EPHA6: variants seen among roughly 807,000 people sequenced by gnomAD.
EPHA6 encodes the protein EPH receptor A6.
EPHA6 carries 50 observed loss-of-function variants against 112.0 expected under a neutral mutation model. That is an observed-to-expected ratio of 0.45 (90% CI 0.36 to 0.56). The LOEUF is 0.56. Ranked by LOEUF, EPHA6 falls within the 20% of genes least tolerant of loss-of-function variation. The pLI is 0.00. For synonymous variants in EPHA6, 529 were observed against 490.7 expected (o/e 1.08, Z -1.03); for missense variants, 1,280 against 1,417.4 (o/e 0.90, Z 1.56).
At chr3:97,039,211 G>A (rs2045225501) in intron 3 of EPHA6, among the ~76,000 whole-genome samples, 1 of 152,046 alleles carries the variant, frequency 6.6e-6, no homozygotes, top group East Asian at 1.9e-4. Flanking sequence ...TTGGCAAACT[G>A]TAAACATTTA....
In EPHA6 at chr3:97,475,246, G is replaced by A. The variant is rs572649335; in HGVS notation, c.1895-106G>A. On this transcript the variant is annotated intron_variant, in intron 7 of 17. Transcript: ENST00000389672. Reference sequence around the variant, plus strand: ...TACTGAAATAAAGGCCAAATATACTGAGCTTGGCATCCGTTATTGTATTTT... The same window carrying A: ...TACTGAAATAAAGGCCAAATATACTAAGCTTGGCATCCGTTATTGTATTTT... 61 of 794,494 alleles carry A rather than the reference G, an allele frequency of 7.7e-5. No individual in the cohort carries two copies. The East Asian group carries it at 1.6e-3, about 21-fold the overall frequency. The allele number at this position is 794,494 out of a possible 1,614,324, so 49.2% of individuals were successfully genotyped here.
Position 97,705,164 on chromosome 3 carries a change from C to G in EPHA6, c.2785-15097C>G, listed in dbSNP as rs566490625. Among the ~76,000 whole-genome samples, 9 of 152,246 alleles carry G rather than the reference C, an allele frequency of 5.9e-5. No homozygotes were observed. In the South Asian group the frequency reaches 1.9e-3, roughly 32 times the overall value. On this transcript the variant is annotated intron_variant, in intron 14 of 17. Coordinates refer to ENST00000389672, the MANE Select transcript of EPHA6 (RefSeq NM_001080448.3). ...TACTTCTCTAGCCTCATCTCTCCCC[C>G]TCCTTTATCTCACCTCTTTTCTCCA...
chr3:97,003,496 G>A (rs1190627981), intron 3 of EPHA6, among the ~76,000 whole-genome samples: 2 of 152,090 alleles, frequency 1.3e-5, no homozygotes, highest in Non-Finnish European at 2.9e-5. Context: ...TTGGGGAAAA[G>A]AGAATTCCCA....
chr3:96,914,752 A>G (rs1031002894), intron 2 of EPHA6, among the ~76,000 whole-genome samples: 15 of 152,104 alleles, frequency 9.9e-5, no homozygotes, highest in African/African-American at 3.6e-4. Flanking sequence ...TACATAATCT[A>G]GAGTAAAGTT....
At chr3:96,901,997 AT>A (rs1428902136) in intron 2 of EPHA6, among the ~76,000 whole-genome samples, 5 of 152,214 alleles carry the variant, frequency 3.3e-5, no homozygotes, top group African/African-American at 1.2e-4. Context: ...TAAATATATC[AT>A]TCTGGCTTAC....
chr3:97,042,427 A>C (rs1265179559), intron 3 of EPHA6, among the ~76,000 whole-genome samples: 1 of 152,028 alleles, frequency 6.6e-6, no homozygotes, highest in African/African-American at 2.4e-5. Flanking sequence ...AGCCAATTAA[A>C]TTTATTTTCT....
chr3:97,715,180 C>T lies in EPHA6; in HGVS notation c.2785-5081C>T, dbSNP rs574343260. Among the ~76,000 whole-genome samples the T allele has an allele frequency of 5.9e-5, 9 of 152,260 alleles. No homozygotes were observed. The South Asian group carries it at 1.0e-3, about 18-fold the overall frequency. The stretch of plus-strand genomic sequence containing the variant: ...TGCTCACACGGTCTTGGTACCCACT[C>T]GTATGGCCTATCTCTTTACAATTTA... On this transcript the variant is annotated intron_variant, in intron 14 of 17. Transcript: ENST00000389672.
At chr3:97,024,993 T>G (rs2044588057) in intron 3 of EPHA6, among the ~76,000 whole-genome samples, 1 of 152,198 alleles carries the variant, frequency 6.6e-6, no homozygotes. Context: ...TGCCTCTGTA[T>G]ATGTAATGTA....
chr3:97,066,977 G>A (rs908364117), intron 3 of EPHA6, among the ~76,000 whole-genome samples: 1 of 152,138 alleles, frequency 6.6e-6, no homozygotes, highest in Non-Finnish European at 1.5e-5. Flanking sequence ...AATAGGTCAA[G>A]AGGGAAGTCT....
At chr3:97,184,902 A>G (rs531667267) in intron 3 of EPHA6, among the ~76,000 whole-genome samples, 2 of 152,304 alleles carry the variant, frequency 1.3e-5, no homozygotes, top group East Asian at 1.9e-4. Context: ...ATCCTCAGAA[A>G]TAATGCCACA....
At chr3:97,691,244 C>T (rs2032646372) in intron 14 of EPHA6, among the ~76,000 whole-genome samples, 1 of 152,144 alleles carries the variant, frequency 6.6e-6, no homozygotes, top group South Asian at 2.1e-4. Flanking sequence ...ATCAATTGAC[C>T]ATAAATATTT....
chr3:97,570,198 G>A (rs1292635321), intron 11 of EPHA6, among the ~76,000 whole-genome samples: 1 of 152,080 alleles, frequency 6.6e-6, no homozygotes, highest in Admixed American at 6.6e-5. Flanking sequence ...CCAAATATGA[G>A]GGATTCATAG....
At chr3:97,434,443 C>T (rs1577393988) in intron 6 of EPHA6, among the ~76,000 whole-genome samples, 2 of 152,156 alleles carry the variant, frequency 1.3e-5, no homozygotes, top group East Asian at 3.9e-4. Context: ...ACTAATTTGA[C>T]ATGTCATTTC....
chr3:97,049,474 G>A (rs2045616678), intron 3 of EPHA6, among the ~76,000 whole-genome samples: 1 of 152,192 alleles, frequency 6.6e-6, no homozygotes, highest in African/African-American at 2.4e-5. Context: ...GTTGTATCAT[G>A]TTGAGTTGTA....
intron 14 of EPHA6, among the ~76,000 whole-genome samples, chr3:97,669,889 G>A (rs965369475): frequency 2.0e-5 from 3 of 152,150 alleles, no homozygotes; most frequent in African/African-American, 7.2e-5. Context: ...AACAGCTGAT[G>A]GATAATCCAG....
At chr3:96,880,425 G>A (rs1393396069) in intron 2 of EPHA6, among the ~76,000 whole-genome samples, 1 of 151,966 alleles carries the variant, frequency 6.6e-6, no homozygotes, top group Non-Finnish European at 1.5e-5. Context: ...AGATATACCT[G>A]TTCATGTATT....
chr3:97,093,388 A>C (rs1349520702), intron 3 of EPHA6, among the ~76,000 whole-genome samples: 1 of 152,016 alleles, frequency 6.6e-6, no homozygotes, highest in Non-Finnish European at 1.5e-5. Context: ...TTCTCTACCA[A>C]AAAATACAAA....
chr3:97,637,485 T>A (rs2093958183), intron 13 of EPHA6, among the ~76,000 whole-genome samples: 1 of 152,170 alleles, frequency 6.6e-6, no homozygotes, highest in Non-Finnish European at 1.5e-5. Context: ...TCTACCCAGC[T>A]GTACAGCTGG....
chr3:97,664,874 G>A (rs1418067072), intron 14 of EPHA6, among the ~76,000 whole-genome samples: 1 of 152,154 alleles, frequency 6.6e-6, no homozygotes, highest in African/African-American at 2.4e-5. Flanking sequence ...AATCAATATC[G>A]TGAACATGGC....
Sources: allele counts gnomAD v4.1 joint callset (sites outside exome capture counted in the v4.1 genomes callset), GRCh38; gene constraint gnomAD v4.1.1; transcripts MANE v1.5; gene names NCBI Gene and HGNC (gene_info 2026-07-23, HGNC 2026-07-21).